The following MNAT1 variants were observed in gnomAD, a reference collection of about 807,000 sequenced individuals.
MNAT1 encodes CDK-activating kinase assembly factor MAT1.
MNAT1 carries 43 observed loss-of-function variants against 42.0 expected under a neutral mutation model. The observed-to-expected ratio is 1.02, with a 90% CI of 0.80 to 1.32. The LOEUF is 1.32. Ranked by LOEUF, MNAT1 falls within the 40% of genes most tolerant of loss-of-function variation. The pLI is 0.00. For missense variants in MNAT1, 306 were observed against 350.4 expected (o/e 0.87, Z 1.01); for synonymous variants, 118 against 120.0 (o/e 0.98, Z 0.11).
At chr14:60,793,728 AAGATGTGGCC>A (rs1238676990) in intron 1 of MNAT1, among the ~76,000 whole-genome samples, 4 of 152,198 alleles carry the variant, frequency 2.6e-5, no homozygotes, top group Admixed American at 2.6e-4. Flanking sequence ...TATGTAGAAA[AAGATGTGGCC>A]ACACAAACAC....
intron 3 of MNAT1, among the ~76,000 whole-genome samples, chr14:60,800,434 C>T (rs1288366673): frequency 1.3e-5 from 2 of 152,068 alleles, no homozygotes. Context: ...GTCCCAGCTA[C>T]TTGGGAGGCT....
At chr14:60,844,912 A>T (rs943206281) in intron 6 of MNAT1, among the ~76,000 whole-genome samples, 3 of 151,972 alleles carry the variant, frequency 2.0e-5, no homozygotes, top group African/African-American at 7.2e-5. Flanking sequence ...ACTGTTAGTG[A>T]TTTAAATTGA....
chr14:60,886,824 A>G (rs2034686320), intron 7 of MNAT1, among the ~76,000 whole-genome samples: 1 of 152,050 alleles, frequency 6.6e-6, no homozygotes, highest in Non-Finnish European at 1.5e-5. Context: ...GAGAGGCATA[A>G]TTTTACTTCT....
In MNAT1 at chr14:60,918,648, G is replaced by A. The variant is rs545878003; in HGVS notation, c.809+38813G>A. Among the ~76,000 whole-genome samples the A allele has an allele frequency of 1.3e-4, 20 of 151,156 alleles. No individual in the cohort carries two copies. The South Asian group carries it at 4.2e-3, about 32-fold the overall frequency. ...AAAAGATGAAAGGATGTTGACACAC[G>A]TACTTTTAGCAAAATGGATGGTCAA... On this transcript the variant is annotated intron_variant, in intron 7 of 7. Transcript: ENST00000261245.
At chr14:60,815,779 T>G (rs2032695755) in intron 5 of MNAT1, among the ~76,000 whole-genome samples, 2 of 152,244 alleles carry the variant, frequency 1.3e-5, no homozygotes, top group South Asian at 4.1e-4. Context: ...AGTAATTTAC[T>G]GTATTCATTA....
At chr14:60,892,137 G>A (rs972420555) in intron 7 of MNAT1, among the ~76,000 whole-genome samples, 20 of 152,174 alleles carry the variant, frequency 1.3e-4, no homozygotes, top group African/African-American at 4.6e-4. Context: ...TTGTAGTTGA[G>A]TATAGTGTTC....
intron 7 of MNAT1, among the ~76,000 whole-genome samples, chr14:60,894,665 A>C (rs1158462736): frequency 1.3e-5 from 2 of 151,758 alleles, no homozygotes; most frequent in Non-Finnish European, 2.9e-5. Flanking sequence ...GAAGGGAGGG[A>C]GGAGCACTTT....
In MNAT1 at chr14:60,872,869, C is replaced by T. The variant is rs796662849; in HGVS notation, c.688-6845C>T. Among the ~76,000 whole-genome samples the T allele has an allele frequency of 2.3e-4, 32 of 139,214 alleles. No individual in the cohort carries two copies. The East Asian group carries it at 4.9e-3, about 21-fold the overall frequency. The allele number at this position is 139,214 out of a possible 152,430, so 91.3% of individuals were successfully genotyped here. On this transcript the variant is annotated intron_variant, in intron 6 of 7. Coordinates refer to ENST00000261245, the MANE Select transcript of MNAT1 (RefSeq NM_002431.4). ...ACACACACACACACACACACACACACATATATATATGCACTTTTTTTCCCC... is the reference window on the plus strand; with the variant it reads ...ACACACACACACACACACACACACATATATATATATGCACTTTTTTTCCCC...
intron 1 of MNAT1, among the ~76,000 whole-genome samples, chr14:60,775,879 A>G (rs1013056685): frequency 2.0e-5 from 3 of 152,216 alleles, no homozygotes; most frequent in South Asian, 2.1e-4. Flanking sequence ...AGGGAATGGG[A>G]AAATGACTTT....
intron 7 of MNAT1, among the ~76,000 whole-genome samples, chr14:60,963,826 G>C (rs1363845980): frequency 6.6e-6 from 1 of 152,140 alleles, no homozygotes; most frequent in Non-Finnish European, 1.5e-5. Flanking sequence ...TTGAGGTGGA[G>C]GAAACTAATA....
chr14:60,738,159 T>G (rs1185548192), intron 1 of MNAT1, among the ~76,000 whole-genome samples: 3 of 151,368 alleles, frequency 2.0e-5, no homozygotes, highest in Non-Finnish European at 4.4e-5. Context: ...CAACTTTGCC[T>G]ATATTGGCTA....
intron 6 of MNAT1, among the ~76,000 whole-genome samples, chr14:60,821,449 A>G (rs957264057): frequency 5.9e-5 from 9 of 152,222 alleles, no homozygotes; most frequent in Admixed American, 5.2e-4. Flanking sequence ...CCTTCATTAA[A>G]TATTTTTAAA....
At chr14:60,742,912 T>G (rs183235496) in intron 1 of MNAT1, among the ~76,000 whole-genome samples, 196 of 152,356 alleles carry the variant, frequency 1.3e-3, no homozygotes, top group Middle Eastern at 3.4e-3. Flanking sequence ...AACATTTGAG[T>G]CATTTCTACT....
chr14:60,957,963 G>T (rs1040530400), intron 7 of MNAT1, among the ~76,000 whole-genome samples: 2 of 152,052 alleles, frequency 1.3e-5, no homozygotes, highest in East Asian at 1.9e-4. Flanking sequence ...CCAACCTCCC[G>T]AGTAGCTGGG....
chr14:60,740,816 A>G lies in MNAT1; in HGVS notation c.89+5865A>G, dbSNP rs1261135198. On this transcript the variant is annotated intron_variant, in intron 1 of 7. Coordinates refer to ENST00000261245, the MANE Select transcript of MNAT1 (RefSeq NM_002431.4). This position sits in a 1 kb window ranked among gnomAD's most constrained non-coding sequence, Gnocchi z 4.1. ...TTTGTGAACAATCAGTGTACATTTG[A>G]AAAGAATATACATTCTGTGGTTGTT... Among the ~76,000 whole-genome samples, 1 of 152,202 alleles carries G rather than the reference A, an allele frequency of 6.6e-6. No individual in the cohort carries two copies. The highest frequency in any genetic ancestry group is 2.4e-5 in the African/African-American group (1 of 41,450).
intron 7 of MNAT1, among the ~76,000 whole-genome samples, chr14:60,907,304 G>A (rs144367970): frequency 1.9e-3 from 287 of 151,774 alleles, no homozygotes; most frequent in African/African-American, 6.8e-3. Context: ...GTGGTGGCAC[G>A]CGCCTGTAGT....
intron 6 of MNAT1, among the ~76,000 whole-genome samples, chr14:60,836,111 T>C (rs943743316): frequency 1.3e-5 from 2 of 152,192 alleles, no homozygotes; most frequent in African/African-American, 4.8e-5. Context: ...TTCTTTAAAC[T>C]GCTTATTCTG....
At chr14:60,963,417 A>C (rs1279098810) in intron 7 of MNAT1, among the ~76,000 whole-genome samples, 1 of 152,218 alleles carries the variant, frequency 6.6e-6, no homozygotes, top group Non-Finnish European at 1.5e-5. Context: ...TACTGTGCTT[A>C]GTTTAAGACA....
chr14:60,914,555 G>T (rs1268100646), intron 7 of MNAT1, among the ~76,000 whole-genome samples: 1 of 5,762 alleles, frequency 1.7e-4, no homozygotes, highest in Non-Finnish European at 5.9e-4. Context: ...CACAGATATG[G>T]TAAAAAAAAA....
Sources: gnomAD v4.1 joint callset for allele counts (sites outside exome capture counted in the v4.1 genomes callset) on GRCh38, gnomAD v4.1.1 for gene constraint, Gnocchi (gnomAD v3.1) non-coding constraint, MANE v1.5 for transcripts, NCBI Gene and HGNC (gene_info 2026-07-23, HGNC 2026-07-21) for gene names.